The following PSPH variants were observed in gnomAD, a reference collection of about 807,000 sequenced individuals.
PSPH encodes the protein phosphoserine phosphatase, also known as L-3-phosphoserine phosphatase.
Under a neutral mutation model 23.4 loss-of-function variants are expected in PSPH, and 16 were observed. The observed-to-expected ratio is 0.68, with a 90% CI of 0.46 to 1.04. The LOEUF (loss-of-function observed/expected upper bound fraction) is 1.04. Among genes scored for constraint, PSPH ranks in the 50% least tolerant of loss-of-function variants. The probability of loss-of-function intolerance (pLI) is 0.00; values close to 1 mark genes in which losing one functional copy is unlikely to be tolerated. For missense variants in PSPH, 223 were observed against 273.7 expected (o/e 0.81, Z 1.31); for synonymous variants, 68 against 99.7 (o/e 0.68, Z 1.89).
At chr7:56,014,902 C>T in intron 7 of PSPH, 121 bp downstream of exon 7, 1 of 1,058,070 alleles carries the variant, frequency 9.5e-7, no homozygotes, top group Non-Finnish European at 1.3e-6. Context: ...GAGATCACGC[C>T]ACTGCACTCC....
chr7:56,024,376 T>C (rs1263952508), intron 3 of PSPH, among the ~76,000 whole-genome samples: 2 of 151,976 alleles, frequency 1.3e-5, no homozygotes, highest in Non-Finnish European at 2.9e-5. Flanking sequence ...CACGACTGGC[T>C]GATTTTTACA....
intron 1 of PSPH, among the ~76,000 whole-genome samples, chr7:56,041,902 C>T (rs1195398811): frequency 6.7e-6 from 1 of 149,522 alleles, no homozygotes; most frequent in Non-Finnish European, 1.5e-5. Context: ...CTAGCCTGGG[C>T]AACAGAGCGA....
chr7:56,041,207 CTCTTT>C (rs1259032839), intron 1 of PSPH, among the ~76,000 whole-genome samples: 3 of 147,550 alleles, frequency 2.0e-5, no homozygotes, highest in Non-Finnish European at 4.5e-5. Context: ...CTCTCTCTCT[CTCTTT>C]TTTTTTTTTT....
At chr7:56,049,472 G>A (rs1406112866) in intron 1 of PSPH, among the ~76,000 whole-genome samples, 2 of 151,286 alleles carry the variant, frequency 1.3e-5, no homozygotes, top group Non-Finnish European at 3.0e-5. Context: ...AAGTCTCGCT[G>A]TTGTTGCCCA....
intron 5 of PSPH, among the ~76,000 whole-genome samples, chr7:56,018,285 A>C (rs911444415): frequency 2.6e-5 from 4 of 152,042 alleles, no homozygotes; most frequent in Non-Finnish European, 5.9e-5. Flanking sequence ...TGGAGGTTGC[A>C]GTGAGCCGAG....
chr7:56,015,704 G>A (rs1788469734), intron 6 of PSPH, among the ~76,000 whole-genome samples: 1 of 152,064 alleles, frequency 6.6e-6, no homozygotes, highest in Admixed American at 6.6e-5. Context: ...TGTTGCCCAG[G>A]CTGGAGTGCA....
At chr7:56,036,862 C>T (rs1191824560) in intron 1 of PSPH, among the ~76,000 whole-genome samples, 1 of 152,026 alleles carries the variant, frequency 6.6e-6, no homozygotes, top group Non-Finnish European at 1.5e-5. Context: ...CAAGGCAAAA[C>T]TGTGAAACAG....
chr7:56,013,190 C>T (rs896828794), intron 7 of PSPH, among the ~76,000 whole-genome samples: 4 of 135,730 alleles, frequency 2.9e-5, no homozygotes, highest in Non-Finnish European at 6.5e-5. Context: ...CACACACACA[C>T]ACATATATAT....
chr7:56,022,432 G>A (rs922780848), intron 3 of PSPH, among the ~76,000 whole-genome samples: 2 of 152,168 alleles, frequency 1.3e-5, no homozygotes, highest in African/African-American at 4.8e-5. Flanking sequence ...AAAGGGCAGG[G>A]CATCGATTTG....
At chr7:56,016,295 T>C (rs984498848) in intron 6 of PSPH, among the ~76,000 whole-genome samples, 5 of 150,462 alleles carry the variant, frequency 3.3e-5, no homozygotes, top group Non-Finnish European at 7.4e-5. Flanking sequence ...TCCCAGCTAC[T>C]TGGGAGGCTG....
At chr7:56,025,053 C>T (rs945967331) in intron 3 of PSPH, among the ~76,000 whole-genome samples, 4 of 152,020 alleles carry the variant, frequency 2.6e-5, no homozygotes, top group Non-Finnish European at 4.4e-5. Context: ...ATCCTCCTGC[C>T]TCAGCCTCCC....
At chr7:56,018,353 A>G (rs1272499616) in intron 5 of PSPH, among the ~76,000 whole-genome samples, 1 of 136,746 alleles carries the variant, frequency 7.3e-6, no homozygotes, top group Non-Finnish European at 1.6e-5. Context: ...AAAAAACAAC[A>G]ACAACAAAAA....
In PSPH at chr7:56,017,264, A is replaced by T. The variant is rs1277494842; in HGVS notation, c.391T>A (p.Phe131Ile). The change falls in exon 6 of 8, where the codon TTT becomes ATT. Residue 131 changes from phenylalanine to isoleucine, a missense_variant. Phe to Ile is a conservative substitution (Grantham distance 21). Coordinates refer to ENST00000275605, the MANE Select transcript of PSPH (RefSeq NM_004577.4). ...AAGTAGAATTTCAGCCTATTGGCAA[A>T]TACATTGGTTGCTGGGATATTGAGC... ...SKLNIPATNVFANRLKFYFNG... is the reference protein window; with the variant it reads ...SKLNIPATNVIANRLKFYFNG... 6.2e-7 allele frequency: 1 copy of T among 1,613,840 alleles called. No homozygotes were observed. Among genetic ancestry groups the T allele is most frequent in the Non-Finnish European group, 8.5e-7 (1 of 1,179,876 alleles).
chr7:56,021,066 T>C lies in PSPH; in HGVS notation c.140+7A>G, dbSNP rs767359030. ...CATTTCATAAAGTGAATAAATGCTATCCCTACATTTCTGACACCGCGTCCT... is the reference window on the plus strand; with the variant it reads ...CATTTCATAAAGTGAATAAATGCTACCCCTACATTTCTGACACCGCGTCCT... On this transcript the variant is annotated splice_region_variant and intron_variant, in intron 4 of 7. Coordinates refer to ENST00000275605, the MANE Select transcript of PSPH (RefSeq NM_004577.4). 10 of 1,611,288 alleles carry C rather than the reference T, an allele frequency of 6.2e-6. No individual in the cohort carries two copies. The Admixed American group carries it at 1.7e-4, about 27-fold the overall frequency.
chr7:56,014,979 A>G, intron 7 of PSPH, 44 bp downstream of exon 7: 2 of 1,534,390 alleles, frequency 1.3e-6, no homozygotes, highest in Non-Finnish European at 1.8e-6. Flanking sequence ...AATAAATAAA[A>G]CAAAAGTACA....
At chr7:56,035,946 A>T (rs1791672278) in intron 1 of PSPH, among the ~76,000 whole-genome samples, 2 of 150,956 alleles carry the variant, frequency 1.3e-5, no homozygotes, top group Non-Finnish European at 3.0e-5. Context: ...AAAGCATAAT[A>T]GGCCGGGCAC....
intron 1 of PSPH, among the ~76,000 whole-genome samples, chr7:56,039,500 G>A (rs1448446190): frequency 8.6e-5 from 13 of 151,946 alleles, no homozygotes; most frequent in African/African-American, 2.4e-4. Flanking sequence ...ATTGCTGGCC[G>A]GGCACGGTGG....
At chr7:56,019,535 C>G in intron 5 of PSPH, 65 bp downstream of exon 5, 2 of 1,602,968 alleles carry the variant, frequency 1.2e-6, no homozygotes, top group East Asian at 2.2e-5. Flanking sequence ...TAGTTAGATG[C>G]TCTTGGGAGG....
intron 1 of PSPH, among the ~76,000 whole-genome samples, chr7:56,042,151 A>G (rs1245260569): frequency 6.9e-6 from 1 of 144,818 alleles, no homozygotes; most frequent in African/African-American, 2.6e-5. Context: ...TGAATCCGGG[A>G]GGCGGAGGTT....
Sources: gnomAD v4.1 joint callset for allele counts (sites outside exome capture counted in the v4.1 genomes callset) on GRCh38, gnomAD v4.1.1 for gene constraint, MANE v1.5 for transcripts, NCBI Gene and HGNC (gene_info 2026-07-23, HGNC 2026-07-21) for gene names.